KLK2: variants seen among roughly 807,000 people sequenced by gnomAD.
KLK2 encodes kallikrein related peptidase 2, also known as kallikrein-2.
KLK2 carries 17 observed loss-of-function variants against 23.0 expected under a neutral mutation model. The ratio of observed to expected loss-of-function variants is 0.74; its 90% CI spans 0.51 to 1.11. The LOEUF (loss-of-function observed/expected upper bound fraction) is 1.11. KLK2 is among the 50% of genes least tolerant of loss of function. KLK2 has a pLI of 0.00. For synonymous variants in KLK2, 140 were observed against 124.7 expected (o/e 1.12, Z -0.82); for missense variants, 330 against 325.9 (o/e 1.01, Z -0.10).
In KLK2 at chr19:50,874,740, G is replaced by T. The variant is rs1454502300; in HGVS notation, c.66G>T (p.Gln22His). The T allele has an allele frequency of 6.2e-7, 1 of 1,612,126 alleles. No homozygotes were observed. Among genetic ancestry groups the T allele is most frequent in the Non-Finnish European group, 8.5e-7 (1 of 1,179,498 alleles). Residue 22 changes from glutamine (Q) to histidine (H), a missense_variant, in exon 2 of 5, where the codon CAG (glutamine) becomes CAT (histidine). By Grantham distance (24) the Gln-to-His change is conservative. Coordinates refer to ENST00000325321, the MANE Select transcript of KLK2 (RefSeq NM_005551.5). ...VGCTGAVPLI[Q>H]SRIVGGWECE... is the part of the protein sequence containing the mutation. ...CCGCAGGTGCCGTGCCCCTCATCCA[G>T]TCTCGGATTGTGGGAGGCTGGGAGT...
chr19:50,878,291 G>A, intron 4 of KLK2, 113 bp from the exon 5 acceptor site: 1 of 1,031,718 alleles, frequency 9.7e-7, no homozygotes, highest in Non-Finnish European at 1.4e-6. Context: ...GTCTGTTCCT[G>A]AGAGCTGGGA....
chr19:50,874,610 A>G, intron 1 of KLK2, 111 bp from the exon 2 acceptor site: 1 of 830,510 alleles, frequency 1.2e-6, no homozygotes, highest in Non-Finnish European at 1.9e-6. Flanking sequence ...TGTGTCCTGG[A>G]CTCCCAGTCC....
chr19:50,879,791 A>T lies in KLK2; in HGVS notation c.*1232A>T, dbSNP rs1313285471. 2.2e-5 allele frequency: 5 copies of T among 229,760 alleles called. No individual in the cohort carries two copies. Among genetic ancestry groups the T allele is most frequent in the African/African-American group, 1.1e-4 (5 of 45,144 alleles). The allele number at this position is 229,760 out of a possible 1,614,324, so 14.2% of individuals were successfully genotyped here. A position where few individuals can be genotyped will look rare whatever the true frequency, so the allele number is the denominator to read the frequency against. On this transcript the variant is annotated 3_prime_UTR_variant, in exon 5 of 5. Transcript: ENST00000325321. Reference sequence around the variant, plus strand: ...TCTGGCATGGCCCAAGGCCCCAAGTATATCAAGGCACTTGGGCAGAACATG... The same window carrying T: ...TCTGGCATGGCCCAAGGCCCCAAGTTTATCAAGGCACTTGGGCAGAACATG...
chr19:50,876,432 A>G (rs767809886), intron 2 of KLK2, 40 bp from the exon 3 acceptor site: 7 of 1,594,106 alleles, frequency 4.4e-6, no homozygotes, highest in Non-Finnish European at 6.0e-6. Context: ...ACCTTTCCCC[A>G]TTTTCTCTCT....
At chr19:50,877,284 C>T in intron 4 of KLK2, 1 of 517,682 alleles carries the variant, frequency 1.9e-6, no homozygotes, top group Middle Eastern at 4.0e-4. Context: ...CCCTGGGAAG[C>T]AGCAGTGAAC....
Position 50,878,589 on chromosome 19 carries a change from A to C in KLK2, c.*30A>C. On this transcript the variant is annotated 3_prime_UTR_variant, in exon 5 of 5. Coordinates refer to ENST00000325321, the MANE Select transcript of KLK2 (RefSeq NM_005551.5). The stretch of plus-strand genomic sequence containing the variant: ...CCCTGTCCCACCCCTACCTCTAGTA[A>C]ATTTAAGTCCACCTCACGTTCTGGC... 1 of 1,592,924 alleles carries C rather than the reference A, an allele frequency of 6.3e-7. No individual in the cohort carries two copies. The highest frequency in any genetic ancestry group is 1.1e-5 in the South Asian group (1 of 89,200).
chr19:50,877,046 G>T (rs1387539675), intron 4 of KLK2, 38 bp downstream of exon 4: 28 of 1,613,764 alleles, frequency 1.7e-5, no homozygotes, highest in Non-Finnish European at 2.4e-5. Context: ...GAGGGGAAAG[G>T]TGAGTGAAGA....
intron 2 of KLK2, 108 bp from the exon 3 acceptor site, chr19:50,876,364 T>G: frequency 1.0e-6 from 1 of 991,170 alleles, no homozygotes; most frequent in Non-Finnish European, 1.5e-6. Context: ...CCCTGTGCTT[T>G]TCTCACTGTT....
At chr19:50,873,628 C>T (rs2090253232) in intron 1 of KLK2, 109 bp downstream of exon 1, 1 of 745,652 alleles carries the variant, frequency 1.3e-6, no homozygotes, top group Admixed American at 2.4e-5. Context: ...CAGTTCAGCC[C>T]AGACAATGTG....
rs996776378 is a variant in KLK2 at position 50,874,932 on chromosome 19, A to G, written c.206+52A>G. ...GGGAATGGCTGTGTCCCACAGGAAT[A>G]ACAGCGGGATGCTTCCCCCAGGGTC... On this transcript the variant is annotated intron_variant, in intron 2 of 4. Transcript: ENST00000325321. 4 of 1,585,538 alleles carry G rather than the reference A, an allele frequency of 2.5e-6. No individual in the cohort carries two copies. In the African/African-American group the frequency reaches 5.4e-5, roughly 21 times the overall value.
intron 2 of KLK2, chr19:50,875,916 C>T (rs1311179833): frequency 6.1e-6 from 1 of 162,702 alleles, no homozygotes; most frequent in Non-Finnish European, 1.3e-5. Context: ...CACTACAGAG[C>T]CCTCACTCCA....
At chr19:50,874,689 C>T in intron 1 of KLK2, 32 bp from the exon 2 acceptor site, 1 of 1,584,152 alleles carries the variant, frequency 6.3e-7, no homozygotes. Flanking sequence ...TCTTTTGGGT[C>T]TGATCCCCCT....
rs2090295750 is a variant in KLK2 at position 50,876,956 on chromosome 19, C to CA, written c.579dup (p.Glu194ArgfsTer13). 8.1e-6 allele frequency: 13 copies of CA among 1,614,162 alleles called. No homozygotes were observed. The highest frequency in any genetic ancestry group is 1.1e-5 in the Non-Finnish European group (13 of 1,180,010). Reference sequence around the variant, plus strand: ...GCTAGAGCTTACTCTGAGAAGGTGACAGAGTTCATGTTGTGTGCTGGGCTC... The same window carrying CA: ...GCTAGAGCTTACTCTGAGAAGGTGACAAGAGTTCATGTTGTGTGCTGGGCTC... On this transcript the variant is annotated frameshift_variant, in exon 4 of 5. Transcript: ENST00000325321. LOFTEE classifies it high-confidence loss of function.
chr19:50,876,956 C>A lies in KLK2; in HGVS notation c.578C>A (p.Thr193Lys). 1 of 1,614,162 alleles carries A rather than the reference C, an allele frequency of 6.2e-7. No homozygotes were observed. The highest frequency in any genetic ancestry group is 8.5e-7 in the Non-Finnish European group (1 of 1,180,010). ...MCARAYSEKVTEFMLCAGLWT... is the reference protein window; with the variant it reads ...MCARAYSEKVKEFMLCAGLWT... Reference sequence around the variant, plus strand: ...GCTAGAGCTTACTCTGAGAAGGTGACAGAGTTCATGTTGTGTGCTGGGCTC... The same window carrying A: ...GCTAGAGCTTACTCTGAGAAGGTGAAAGAGTTCATGTTGTGTGCTGGGCTC... Residue 193 changes from threonine (T) to lysine (K), a missense_variant, in exon 4 of 5, where the codon ACA becomes AAA. Thr to Lys is a moderately conservative substitution (Grantham distance 78). Transcript: ENST00000325321.
Position 50,878,446 on chromosome 19 carries a change from G to C in KLK2, c.673G>C (p.Gly225Arg). 6.2e-7 allele frequency: 1 copy of C among 1,614,020 alleles called. No individual in the cohort carries two copies. Among genetic ancestry groups the C allele is most frequent in the South Asian group, 1.1e-5 (1 of 91,084 alleles). The change falls in exon 5 of 5, where the codon GGT (glycine) becomes CGT (arginine). Residue 225 changes from glycine to arginine, a missense_variant. Physicochemically the swap from Gly to Arg is moderately radical, Grantham distance 125. Transcript: ENST00000325321. The stretch of plus-strand genomic sequence containing the variant: ...ACTTGTCTGTAATGGTGTGCTTCAA[G>C]GTATCACATCATGGGGCCCTGAGCC... ...GPLVCNGVLQ[G>R]ITSWGPEPCA...
intron 4 of KLK2, among the ~76,000 whole-genome samples, chr19:50,877,938 T>A (rs1290803700): frequency 6.6e-6 from 1 of 152,014 alleles, no homozygotes; most frequent in East Asian, 1.9e-4. Context: ...CTCCACTCCA[T>A]CCTCCATCTG....
Position 50,879,917 on chromosome 19 carries a change from T to G in KLK2, c.*1358T>G. The stretch of plus-strand genomic sequence containing the variant: ...GTGCAGGGCTGCTGAGTCAACCTTT[T>G]ATTGTACAGGGGATGAGGGAAAGGG... On this transcript the variant is annotated 3_prime_UTR_variant, in exon 5 of 5. Transcript: ENST00000325321. The G allele has an allele frequency of 4.4e-6, 1 of 229,616 alleles. No homozygotes were observed. Among genetic ancestry groups the G allele is most frequent in the East Asian group, 6.2e-5 (1 of 16,142 alleles). 14.2% of individuals were successfully genotyped at this position (229,616 alleles called of 1,614,324 possible).
intron 2 of KLK2, 112 bp downstream of exon 2, chr19:50,874,992 G>A: frequency 6.9e-7 from 1 of 1,439,500 alleles, no homozygotes; most frequent in East Asian, 2.6e-5. Context: ...AAAGGAGAGA[G>A]GGAAGGTCCT....
chr19:50,876,478 C>A lies in KLK2; in HGVS notation c.213C>A (p.Ser71Arg), dbSNP rs752932649. The A allele has an allele frequency of 1.2e-6, 2 of 1,614,016 alleles. No homozygotes were observed. Among genetic ancestry groups the A allele is most frequent in the South Asian group, 2.2e-5 (2 of 91,060 alleles). Residue 71 changes from serine to arginine, a missense_variant, in exon 3 of 5, where the codon AGC becomes AGA. Transcript: ENST00000325321. The part of the protein sequence containing the change: ...LTAAHCLKKN[S>R]QVWLGRHNLF... ...CCACCCCCTTCCTCCCCAGGAATAG[C>A]CAGGTCTGGCTGGGTCGGCACAACC...
Sources: gnomAD v4.1 joint callset for allele counts (sites outside exome capture counted in the v4.1 genomes callset) on GRCh38, gnomAD v4.1.1 for gene constraint, MANE v1.5 for transcripts, NCBI Gene and HGNC (gene_info 2026-07-23, HGNC 2026-07-21) for gene names.